The following GALNT14 variants were observed in gnomAD, a reference collection of about 807,000 sequenced individuals.
GALNT14 encodes the protein polypeptide N-acetylgalactosaminyltransferase 14.
In GALNT14, 60 loss-of-function variants were observed where a neutral mutation model predicts 77.5. That is an observed-to-expected ratio of 0.77 (90% CI 0.63 to 0.96). The LOEUF (loss-of-function observed/expected upper bound fraction) is 0.96. Among genes scored for constraint, GALNT14 ranks in the 40% least tolerant of loss-of-function variants. The pLI is 0.00. For synonymous variants in GALNT14, 280 were observed against 281.7 expected, an observed-to-expected ratio of 0.99 and a Z score of 0.06; for missense variants, 710 against 731.0, an observed-to-expected ratio of 0.97 and a Z score of 0.33.
At chr2:31,048,084 C>T (rs554681489) in intron 1 of GALNT14, among the ~76,000 whole-genome samples, 17 of 152,298 alleles carry the variant, frequency 1.1e-4, no homozygotes, top group African/African-American at 4.1e-4. Flanking sequence ...TCCAAATGCC[C>T]AACAGCCAGC....
At chr2:30,947,306 C>T (rs1666756191) in intron 6 of GALNT14, among the ~76,000 whole-genome samples, 1 of 152,216 alleles carries the variant, frequency 6.6e-6, no homozygotes, top group Non-Finnish European at 1.5e-5. Flanking sequence ...CTTAGCATAG[C>T]ATCCCAGACC....
At chr2:31,011,458 G>T (rs1435011837) in intron 1 of GALNT14, among the ~76,000 whole-genome samples, 1 of 152,086 alleles carries the variant, frequency 6.6e-6, no homozygotes, top group Non-Finnish European at 1.5e-5. Context: ...AAATATAGGG[G>T]TTACATAGCA....
chr2:30,999,110 C>T (rs1173370284), intron 1 of GALNT14, among the ~76,000 whole-genome samples: 3 of 152,190 alleles, frequency 2.0e-5, no homozygotes, highest in Non-Finnish European at 2.9e-5. Context: ...AGAAGAAGGT[C>T]AGAGTAGAAA....
At chr2:31,014,468 A>G (rs1427945700) in intron 1 of GALNT14, among the ~76,000 whole-genome samples, 1 of 152,174 alleles carries the variant, frequency 6.6e-6, no homozygotes, top group Non-Finnish European at 1.5e-5. Flanking sequence ...TGAGGCAGAG[A>G]AACTGAAGAC....
intron 1 of GALNT14, among the ~76,000 whole-genome samples, chr2:31,018,859 G>A (rs1004196905): frequency 6.6e-6 from 1 of 152,224 alleles, no homozygotes; most frequent in East Asian, 1.9e-4. Flanking sequence ...GCTGTGTGGT[G>A]GGGCCTGCGA....
At chr2:31,123,827 C>A (rs1242854795) in intron 1 of GALNT14, among the ~76,000 whole-genome samples, 2 of 152,214 alleles carry the variant, frequency 1.3e-5, no homozygotes, top group African/African-American at 4.8e-5. Context: ...TTCTCTTCTT[C>A]CCCTTGGCCT....
At chr2:31,099,592 T>C (rs1187399289) in intron 1 of GALNT14, among the ~76,000 whole-genome samples, 1 of 152,112 alleles carries the variant, frequency 6.6e-6, no homozygotes, top group Non-Finnish European at 1.5e-5. Context: ...GTGTGAGGTA[T>C]GGATACAATT....
At chr2:31,052,150 G>A (rs972126393) in intron 1 of GALNT14, among the ~76,000 whole-genome samples, 1 of 152,090 alleles carries the variant, frequency 6.6e-6, no homozygotes, top group Non-Finnish European at 1.5e-5. Flanking sequence ...TGGCAGCAAA[G>A]TCAGAAGTAG....
the GALNT14 span, among the ~76,000 whole-genome samples, chr2:30,890,183 G>A: frequency 6.6e-6 from 1 of 152,158 alleles, no homozygotes; most frequent in Non-Finnish European, 1.5e-5. Context: ...TGAGGGCGGG[G>A]ACCCACAGGA....
chr2:31,011,542 C>T (rs909654151), intron 1 of GALNT14, among the ~76,000 whole-genome samples: 1 of 152,062 alleles, frequency 6.6e-6, no homozygotes, highest in African/African-American at 2.4e-5. Flanking sequence ...TTTTCTTCCC[C>T]AGAAATAGAT....
At chr2:30,963,389 G>A (rs536363954) in intron 3 of GALNT14, among the ~76,000 whole-genome samples, 2 of 152,226 alleles carry the variant, frequency 1.3e-5, no homozygotes, top group Non-Finnish European at 2.9e-5. Context: ...GAGAAGGAAT[G>A]TGTTCTGCAG....
At chr2:31,095,608 GC>G (rs1676961519) in intron 1 of GALNT14, among the ~76,000 whole-genome samples, 1 of 152,122 alleles carries the variant, frequency 6.6e-6, no homozygotes, top group Non-Finnish European at 1.5e-5. Flanking sequence ...TGAGGGTAGT[GC>G]AGGCTGGCTA....
intron 1 of GALNT14, among the ~76,000 whole-genome samples, chr2:31,101,901 C>G (rs558621748): frequency 3.3e-5 from 5 of 152,140 alleles, no homozygotes; most frequent in Admixed American, 3.3e-4. Flanking sequence ...CTCATGAGAG[C>G]CGATGGTTTT....
At chr2:31,044,037 T>C (rs2148505122) in intron 1 of GALNT14, among the ~76,000 whole-genome samples, 1 of 152,328 alleles carries the variant, frequency 6.6e-6, no homozygotes, top group East Asian at 1.9e-4. Flanking sequence ...TGTACTGTAC[T>C]CTGTCAAGGC....
intron 1 of GALNT14, among the ~76,000 whole-genome samples, chr2:31,080,137 G>A (rs987538569): frequency 2.6e-5 from 4 of 152,202 alleles, no homozygotes; most frequent in Non-Finnish European, 4.4e-5. Flanking sequence ...AAGAAAAGCA[G>A]AATATGCAGT....
intron 1 of GALNT14, among the ~76,000 whole-genome samples, chr2:31,033,888 CTCATG>C (rs1672559671): frequency 6.6e-6 from 1 of 152,176 alleles, no homozygotes; most frequent in Non-Finnish European, 1.5e-5. Context: ...AGAAACTGAA[CTCATG>C]ATGACAACAG....
intron 1 of GALNT14, among the ~76,000 whole-genome samples, chr2:31,007,920 G>A (rs779277153): frequency 3.3e-5 from 5 of 151,966 alleles, no homozygotes; most frequent in South Asian, 2.1e-4. Context: ...CCCTCAACTC[G>A]CAGTGGCAGG....
At chr2:31,068,466 G>A (rs1484002401) in intron 1 of GALNT14, among the ~76,000 whole-genome samples, 2 of 143,300 alleles carry the variant, frequency 1.4e-5, no homozygotes, top group Admixed American at 7.4e-5. Flanking sequence ...CAGAGATCAC[G>A]CCACTCTACT....
intron 9 of GALNT14, among the ~76,000 whole-genome samples, chr2:30,937,781 C>G (rs13433036): frequency 0.23 from 35,599 of 151,974 alleles, 4,421 homozygotes; most frequent in African/African-American, 0.3. Flanking sequence ...CCTTTGCTAC[C>G]TAAGGTAACA....
Sources: allele counts gnomAD v4.1 joint callset (sites outside exome capture counted in the v4.1 genomes callset), GRCh38; gene constraint gnomAD v4.1.1; transcripts MANE v1.5; gene names NCBI Gene and HGNC (gene_info 2026-07-23, HGNC 2026-07-21).